NRDE2: variants seen among roughly 807,000 people sequenced by gnomAD.
The protein encoded by NRDE2 is NRDE-2, necessary for RNA interference, domain containing, also known as nuclear exosome regulator NRDE2.
Under a neutral mutation model 124.2 loss-of-function variants are expected in NRDE2, and 76 were observed. The ratio of observed to expected loss-of-function variants is 0.61; its 90% CI spans 0.51 to 0.74. NRDE2 has a LOEUF of 0.74. Among genes scored for constraint, NRDE2 ranks in the 30% least tolerant of loss-of-function variants. NRDE2 has a pLI of 0.00. For synonymous variants in NRDE2, 489 were observed against 528.1 expected, an observed-to-expected ratio of 0.93 and a Z score of 1.01; for missense variants, 1,314 against 1,417.3, an observed-to-expected ratio of 0.93 and a Z score of 1.17.
intron 9 of NRDE2, 136 bp downstream of exon 9, chr14:90,292,561 C>T: frequency 1.2e-6 from 1 of 847,990 alleles, no homozygotes; most frequent in South Asian, 1.7e-5. Flanking sequence ...AGAACAGGAG[C>T]AGGTTAGCAT....
chr14:90,324,973 T>C (rs1159094694), intron 1 of NRDE2, among the ~76,000 whole-genome samples: 2 of 151,960 alleles, frequency 1.3e-5, no homozygotes, highest in African/African-American at 4.8e-5. Flanking sequence ...GGGGACGCTA[T>C]TTTAGGAGGC....
chr14:90,282,438 C>T (rs1891979122), intron 12 of NRDE2, among the ~76,000 whole-genome samples: 1 of 151,018 alleles, frequency 6.6e-6, no homozygotes, highest in Non-Finnish European at 1.5e-5. Flanking sequence ...ATAGTGCCAT[C>T]GCACTCCAGC....
Position 90,288,580 on chromosome 14 carries a change from G to A in NRDE2, c.2795C>T (p.Ala932Val). 1 of 1,614,128 alleles carries A rather than the reference G, an allele frequency of 6.2e-7. No individual in the cohort carries two copies. The highest frequency in any genetic ancestry group is 8.5e-7 in the Non-Finnish European group (1 of 1,180,008). Reference protein sequence around the residue: ...AAVQIYEQVFAKLNSSVFPEG... With the variant: ...AAVQIYEQVFVKLNSSVFPEG... ...TGGGAAAACAGAACTGTTCAGTTTT[G>A]CAAACACCTGTTCGTATATCTGCAC... The change falls in exon 11 of 14, where the codon GCA becomes GTA. Residue 932 changes from alanine (A) to valine (V), a missense_variant. Coordinates refer to ENST00000354366, the MANE Select transcript of NRDE2 (RefSeq NM_017970.4).
rs959571621 is a variant in NRDE2, at chr14:90,315,295, C to T, written c.407+1283G>A. ...CTGAGGCATGAGAATCGCTTGAACC[C>T]GGGAGGCGGAGGTTGCAGTGAGGCA... On this transcript the variant is annotated intron_variant, in intron 3 of 13. Coordinates refer to ENST00000354366, the MANE Select transcript of NRDE2 (RefSeq NM_017970.4). 4.6e-5 allele frequency among the ~76,000 whole-genome samples: 7 copies of T among 151,340 alleles called. No individual in the cohort carries two copies. In the East Asian group the frequency reaches 5.8e-4, roughly 13 times the overall value.
In NRDE2 at chr14:90,271,309, G is replaced by A. The variant is rs946347029; in HGVS notation, c.*7027C>T. ...CAGTAATTACTGGCCAAAAGAAAAA[G>A]AAAACAATAACAGTAACCCACATAA... On this transcript the variant is annotated 3_prime_UTR_variant, in exon 14 of 14. Transcript: ENST00000354366. 4 of 152,122 alleles carry A rather than the reference G, an allele frequency of 2.6e-5. No homozygotes were observed. The highest frequency in any genetic ancestry group is 9.7e-5 in the African/African-American group (4 of 41,412). 9.4% of individuals were successfully genotyped at this position (152,122 alleles called of 1,614,324 possible).
rs1171316513 is a variant in NRDE2 at position 90,276,590 on chromosome 14, CTT to C, written c.*1744_*1745del. ...TTTCTGTAAAATGCCCTCAAGGAAT[CTT>C]TGATTTGTTTTAAACCTCCTCCCAT... is the stretch of plus-strand genomic sequence containing the variant. On this transcript the variant is annotated 3_prime_UTR_variant, in exon 14 of 14. Transcript: ENST00000354366. 1 of 152,052 alleles carries C rather than the reference CTT, an allele frequency of 6.6e-6. No homozygotes were observed. Among genetic ancestry groups the C allele is most frequent in the African/African-American group, 2.4e-5 (1 of 41,398 alleles). The allele number at this position is 152,052 out of a possible 1,614,324, so 9.4% of individuals were successfully genotyped here.
rs2139652512 is a variant in NRDE2 at position 90,270,898 on chromosome 14, G to A, written c.*7438C>T. 6.6e-6 allele frequency: 1 copy of A among 152,406 alleles called. No homozygotes were observed. Among genetic ancestry groups the A allele is most frequent in the African/African-American group, 2.4e-5 (1 of 41,572 alleles). The allele number at this position is 152,406 out of a possible 1,614,324, so 9.4% of individuals were successfully genotyped here. A position where few individuals can be genotyped will look rare whatever the true frequency, so the allele number is the denominator to read the frequency against. On this transcript the variant is annotated 3_prime_UTR_variant, in exon 14 of 14. Transcript: ENST00000354366. ...TCCTGGAAAGAGCTGGGTTTTCGTT[G>A]GGCATAAATGCCATGGTTAGGTAGG...
chr14:90,286,208 T>C, intron 12 of NRDE2, 146 bp downstream of exon 12: 1 of 896,698 alleles, frequency 1.1e-6, no homozygotes, highest in Non-Finnish European at 1.6e-6. Flanking sequence ...TTCTTAGAGA[T>C]TCACCAATGC....
At chr14:90,301,489 T>C in intron 6 of NRDE2, 117 bp from the exon 7 acceptor site, 1 of 874,902 alleles carries the variant, frequency 1.1e-6, no homozygotes, top group Middle Eastern at 2.2e-4. Context: ...GCAATCACTA[T>C]TAATTTACAA....
chr14:90,296,191 C>A lies in NRDE2; in HGVS notation c.1666+2069G>T, dbSNP rs183603847. 3.9e-5 allele frequency among the ~76,000 whole-genome samples: 6 copies of A among 152,296 alleles called. 1 individual carries two copies. The East Asian group carries it at 1.2e-3, about 29-fold the overall frequency. On this transcript the variant is annotated intron_variant, in intron 8 of 13. Transcript: ENST00000354366. ...AAAACCAAAAAACAAAAAAACTAAG[C>A]CTAAAAACACAGACCCATGCTAAGT...
rs1884503220 is a variant in NRDE2, at chr14:90,304,000, ACTC to A, written c.937_939del (p.Glu313del). On this transcript the variant is annotated inframe_deletion, in exon 5 of 14. Coordinates refer to ENST00000354366, the MANE Select transcript of NRDE2 (RefSeq NM_017970.4). ...GGATTCTCCCGCACCCTCCTGTTAA[ACTC>A]CTCCACCTTGGCCTTGAGAGCCGCA... 1 of 1,613,232 alleles carries A rather than the reference ACTC, an allele frequency of 6.2e-7. No homozygotes were observed. Among genetic ancestry groups the A allele is most frequent in the Non-Finnish European group, 8.5e-7 (1 of 1,179,716 alleles).
In NRDE2 at chr14:90,288,299, T is replaced by C. The variant is rs780839133; in HGVS notation, c.3076A>G (p.Arg1026Gly). Residue 1026 changes from arginine (R) to glycine (G), a missense_variant, in exon 11 of 14, where the codon AGG (arginine) becomes GGG (glycine). Transcript: ENST00000354366. ...CAAGGCTCCAAGGGTTTGGCAGACC[T>C]GGTGATTGTGTCAAAAAATCTCCTG... ...KTRRFFDTIT[R>G]SAKPLEPWLF... 2.5e-6 allele frequency: 4 copies of C among 1,614,230 alleles called. No homozygotes were observed. The highest frequency in any genetic ancestry group is 3.4e-6 in the Non-Finnish European group (4 of 1,180,048).
rs1165241437 is a variant in NRDE2 at position 90,272,660 on chromosome 14, G to A, written c.*5676C>T. The A allele has an allele frequency of 6.1e-6, 2 of 327,370 alleles. No homozygotes were observed. The highest frequency in any genetic ancestry group is 1.2e-5 in the Non-Finnish European group (2 of 169,450). The allele number at this position is 327,370 out of a possible 1,614,324, so 20.3% of individuals were successfully genotyped here. A position where few individuals can be genotyped will look rare whatever the true frequency, so the allele number is the denominator to read the frequency against. The stretch of plus-strand genomic sequence containing the variant: ...TCTGCAGTCTCCACACACACCTACC[G>A]CTCAACAGCAGCCTGTGGGTGGACC... On this transcript the variant is annotated 3_prime_UTR_variant, in exon 14 of 14. Transcript: ENST00000354366. This position sits in a 1 kb window ranked among gnomAD's most constrained non-coding sequence, Gnocchi z 4.5.
rs201260122 is a variant in NRDE2 at position 90,288,623 on chromosome 14, T to C, written c.2752A>G (p.Ile918Val). ...KCFMLFQYLT[I>V]GIDAAVQIYE... ...ATCTGCACAGCAGCATCAATCCCTA[T>C]GGTCAAATACTGGAAGAGCATGAAG... is the stretch of plus-strand genomic sequence containing the variant. The change falls in exon 11 of 14, where the codon ATA (isoleucine) becomes GTA (valine). Residue 918 changes from isoleucine (I) to valine (V), a missense_variant. Physicochemically the swap from Ile to Val is conservative, Grantham distance 29. Transcript: ENST00000354366. 4.9e-5 allele frequency: 79 copies of C among 1,614,148 alleles called. No homozygotes were observed. Among genetic ancestry groups the C allele is most frequent in the Admixed American group, 1.5e-4 (9 of 60,020 alleles).
In NRDE2 at chr14:90,301,304, G is replaced by A; in HGVS notation, c.1480C>T (p.Gln494Ter). 1.9e-6 allele frequency: 3 copies of A among 1,613,702 alleles called. No individual in the cohort carries two copies. The highest frequency in any genetic ancestry group is 2.2e-5 in the East Asian group (1 of 44,856). ...AAGAAGGTGAAGTCCACCATGGCCT[G>A]GAACAATGAGATGGCCTTCTCAGAG... ...GHSEKAISLF[Q>*]AMVDFTFFKP... The change falls in exon 7 of 14, where the codon CAG (glutamine) becomes TAG (stop). Residue 494 changes from glutamine to a stop codon, truncating the protein, a stop_gained. Transcript: ENST00000354366. LOFTEE classifies it high-confidence loss of function.
At chr14:90,311,822 A>G (rs1185320418) in intron 4 of NRDE2, among the ~76,000 whole-genome samples, 5 of 152,206 alleles carry the variant, frequency 3.3e-5, no homozygotes, top group Admixed American at 6.5e-5. Context: ...AAGTTTACAA[A>G]TTTGGGTTGG....
At chr14:90,288,110 C>A in intron 11 of NRDE2, 107 bp downstream of exon 11, 1 of 1,023,574 alleles carries the variant, frequency 9.8e-7, no homozygotes, top group Non-Finnish European at 1.5e-6. Flanking sequence ...TTCTGGGCAC[C>A]GTGCCATGTT....
In NRDE2 at chr14:90,277,391, A is replaced by G. The variant is rs559972628; in HGVS notation, c.*945T>C. Reference sequence around the variant, plus strand: ...CTAGCCAGTCTAGAGCTCGGAGAAGATAAGAAAACCATTCCTTCCAGCCAT... The same window carrying G: ...CTAGCCAGTCTAGAGCTCGGAGAAGGTAAGAAAACCATTCCTTCCAGCCAT... On this transcript the variant is annotated 3_prime_UTR_variant, in exon 14 of 14. Transcript: ENST00000354366. 1.3e-5 allele frequency: 2 copies of G among 152,422 alleles called. No individual in the cohort carries two copies. Among genetic ancestry groups the G allele is most frequent in the East Asian group, 1.9e-4 (1 of 5,196 alleles). The allele number at this position is 152,422 out of a possible 1,614,324, so 9.4% of individuals were successfully genotyped here.
chr14:90,287,304 C>A (rs759314873), intron 11 of NRDE2, among the ~76,000 whole-genome samples: 1 of 152,032 alleles, frequency 6.6e-6, no homozygotes, highest in Non-Finnish European at 1.5e-5. Flanking sequence ...CCCAGATTAA[C>A]ATTTAACCTT....
Sources: gnomAD v4.1 joint callset for allele counts (sites outside exome capture counted in the v4.1 genomes callset) on GRCh38, gnomAD v4.1.1 for gene constraint, Gnocchi (gnomAD v3.1) non-coding constraint, MANE v1.5 for transcripts, NCBI Gene and HGNC (gene_info 2026-07-23, HGNC 2026-07-21) for gene names.